Variants in APC observed in about 807,000 individuals in gnomAD.
APC encodes adenomatous polyposis coli protein.
APC carries 72 observed loss-of-function variants against 247.0 expected under a neutral mutation model. The observed-to-expected ratio is 0.29, with a 90% CI of 0.24 to 0.35. The LOEUF (loss-of-function observed/expected upper bound fraction) is 0.35, where lower values mean the gene tolerates loss of function less well. Ranked by LOEUF, APC falls within the 10% of genes least tolerant of loss-of-function variation. The probability of loss-of-function intolerance (pLI) is 1.00; values close to 1 mark genes in which losing one functional copy is unlikely to be tolerated. For synonymous variants in APC, 1,254 were observed against 1,162.5 expected (o/e 1.08, Z -1.60); for missense variants, 3,400 against 3,360.7 (o/e 1.01, Z -0.29).
At position 112,828,892 on chromosome 5, in the gene APC, G is replaced by A. The variant is rs2149817257; in HGVS notation, c.1663G>A (p.Ala555Thr). 1 of 1,613,826 alleles carries A rather than the reference G, an allele frequency of 6.2e-7. No individual in the cohort carries two copies. The highest frequency in any genetic ancestry group is 8.5e-7 in the Non-Finnish European group (1 of 1,179,804). ...TGTTTTGAGGAATTTGTCTTGGCGA[G>A]CAGATGTAAATAGTAAAAAGACGTT... ...ASVLRNLSWRADVNSKKTLRE... is the reference protein window; with the variant it reads ...ASVLRNLSWRTDVNSKKTLRE... Residue 555 changes from alanine to threonine, a missense_variant, in exon 14 of 16, where the codon GCA becomes ACA. By Grantham distance (58) the Ala-to-Thr change is moderately conservative. Transcript: ENST00000257430.
chr5:112,791,060 C>G (rs1759529131), intron 6 of APC, among the ~76,000 whole-genome samples: 1 of 152,080 alleles, frequency 6.6e-6, no homozygotes, highest in African/African-American at 2.4e-5. Context: ...CATAAACTAG[C>G]TTTATGAGAC....
intron 2 of APC, among the ~76,000 whole-genome samples, chr5:112,760,158 A>G (rs1467936178): frequency 6.6e-6 from 1 of 152,100 alleles, no homozygotes; most frequent in Non-Finnish European, 1.5e-5. Flanking sequence ...AAGCAGGAGG[A>G]CTTCACTGGG....
Position 112,838,254 on chromosome 5 carries a change from T to A in APC, c.2660T>A (p.Ile887Asn), listed in dbSNP as rs2149874752. ...GLQISTTAAQ[I>N]AKVMEEVSAI... ...CAGATCTCCACCACTGCAGCCCAGA[T>A]TGCCAAAGTCATGGAAGAAGTGTCA... is the stretch of plus-strand genomic sequence containing the variant. Residue 887 changes from isoleucine to asparagine, a missense_variant, in exon 16 of 16, where the codon ATT (isoleucine) becomes AAT (asparagine). By Grantham distance (149) the Ile-to-Asn change is moderately radical (BLOSUM62 -3). This residue lies in a region of APC where 715 missense variants were observed against 656.6 expected (regional missense o/e 1.09). Transcript: ENST00000257430. 6.2e-7 allele frequency: 1 copy of A among 1,614,198 alleles called. No homozygotes were observed. Among genetic ancestry groups the A allele is most frequent in the Non-Finnish European group, 8.5e-7 (1 of 1,180,026 alleles).
intron 6 of APC, among the ~76,000 whole-genome samples, chr5:112,787,629 C>G (rs1759113692): frequency 6.6e-6 from 1 of 152,202 alleles, no homozygotes; most frequent in South Asian, 2.1e-4. Context: ...TTGCTCATTC[C>G]CTACTGTTAA....
chr5:112,707,876 C>T lies in APC; in HGVS notation c.159C>T (p.Val53=), dbSNP rs1277365767. Reference sequence around the variant, plus strand: ...GTACTTCTGGCCACTGGGCGAGCGTCTGGCAGGTGAGTGAGGCTGCAGGCA... The same window carrying T: ...GTACTTCTGGCCACTGGGCGAGCGTTTGGCAGGTGAGTGAGGCTGCAGGCA... Residue 53 remains valine, a synonymous_variant, in exon 1 of 14, where the codon GTC becomes GTT. Transcript: ENST00000507379. The T allele has an allele frequency of 7.3e-7, 1 of 1,368,962 alleles. No individual in the cohort carries two copies. Among genetic ancestry groups the T allele is most frequent in the African/African-American group, 1.4e-5 (1 of 69,648 alleles). The allele number at this position is 1,368,962 out of a possible 1,614,324, so 84.8% of individuals were successfully genotyped here. A position where few individuals can be genotyped will look rare whatever the true frequency, so the allele number is the denominator to read the frequency against.
At chr5:112,767,831 A>C (rs548843261) in intron 4 of APC, among the ~76,000 whole-genome samples, 1 of 150,490 alleles carries the variant, frequency 6.6e-6, no homozygotes. Flanking sequence ...GGGTTTCTTC[A>C]TGTTGGCCAA....
intron 1 of APC, among the ~76,000 whole-genome samples, chr5:112,722,567 C>G (rs546028212): frequency 1.4e-4 from 21 of 152,190 alleles, no homozygotes; most frequent in African/African-American, 5.1e-4. Flanking sequence ...CCTCCTTCCC[C>G]CCAGTCCCAA....
intron 7 of APC, 27 bp from the exon 8 acceptor site, chr5:112,801,252 G>A (rs2149711127): frequency 6.3e-7 from 1 of 1,591,058 alleles, no homozygotes; most frequent in Non-Finnish European, 8.6e-7. Context: ...ATTTTTGCAT[G>A]TACTGATGTT....
intron 7 of APC, among the ~76,000 whole-genome samples, chr5:112,794,755 C>T (rs547201108): frequency 1.3e-4 from 20 of 152,330 alleles, no homozygotes; most frequent in Admixed American, 5.9e-4. Flanking sequence ...TATCTCCAAG[C>T]CACTCACATT....
At chr5:112,767,423 G>A (rs755789475) in intron 4 of APC, 33 bp downstream of exon 4, 8 of 1,464,346 alleles carry the variant, frequency 5.5e-6, no homozygotes, top group African/African-American at 2.8e-5. Flanking sequence ...ACATTGCCTT[G>A]TGTACTCCAG....
At chr5:112,810,543 T>G (rs924250621) in intron 8 of APC, among the ~76,000 whole-genome samples, 1 of 152,188 alleles carries the variant, frequency 6.6e-6, no homozygotes, top group African/African-American at 2.4e-5. Flanking sequence ...CATAAATGTA[T>G]ATCGACAGCA....
intron 10 of APC, among the ~76,000 whole-genome samples, chr5:112,821,024 T>C (rs1763073059): frequency 6.7e-6 from 1 of 149,368 alleles, no homozygotes; most frequent in South Asian, 2.1e-4. Flanking sequence ...CCACCACAAC[T>C]GACTAATTTT....
chr5:112,784,168 A>G (rs1238688506), intron 6 of APC, among the ~76,000 whole-genome samples: 1 of 152,176 alleles, frequency 6.6e-6, no homozygotes, highest in Non-Finnish European at 1.5e-5. Context: ...CCTGGCTTCA[A>G]GCGATTCTCA....
At position 112,803,785 on chromosome 5, in the gene APC, T is replaced by C. The variant is rs1300853143; in HGVS notation, c.834+2402T>C. ...CCATGCAAATATTAAAAATGATAAA[T>C]TACATCTCTATTTATGTAAAGATCT... On this transcript the variant is annotated intron_variant, in intron 8 of 15. Transcript: ENST00000257430. Among the ~76,000 whole-genome samples the C allele has an allele frequency of 2.0e-5, 3 of 152,212 alleles. No homozygotes were observed. In the South Asian group the frequency reaches 6.2e-4, roughly 32 times the overall value.
At chr5:112,753,830 T>A (rs2149732886) in intron 1 of APC, among the ~76,000 whole-genome samples, 1 of 152,348 alleles carries the variant, frequency 6.6e-6, no homozygotes, top group East Asian at 1.9e-4. Flanking sequence ...AATGTCAAGA[T>A]GTTTAAGTAT....
chr5:112,737,049 C>T (rs1752435039), upstream of APC, among the ~76,000 whole-genome samples: 1 of 152,144 alleles, frequency 6.6e-6, no homozygotes, highest in Non-Finnish European at 1.5e-5. Context: ...TGTCCTTCAA[C>T]CTCATAAAAT....
At position 112,842,494 on chromosome 5, in the gene APC, T is replaced by C. The variant is rs202012533; in HGVS notation, c.6900T>C (p.Ser2300=). The C allele has an allele frequency of 7.4e-6, 12 of 1,614,062 alleles. No homozygotes were observed. In the East Asian group the frequency reaches 2.7e-4, roughly 36 times the overall value. Reference sequence around the variant, plus strand: ...TAGGTGGGTCAAGTAAAGCACCTTCTAGATCAGGATCTAGAGATTCGACCC... The same window carrying C: ...TAGGTGGGTCAAGTAAAGCACCTTCCAGATCAGGATCTAGAGATTCGACCC... ...SQIGGSSKAP[S]RSGSRDSTPS... Residue 2300 remains serine, a synonymous_variant, in exon 16 of 16, where the codon TCT becomes TCC. Coordinates refer to ENST00000257430, the MANE Select transcript of APC (RefSeq NM_000038.6).
At chr5:112,708,202 C>A (rs1183113775) in intron 1 of APC, among the ~76,000 whole-genome samples, 1 of 152,184 alleles carries the variant, frequency 6.6e-6, no homozygotes, top group Non-Finnish European at 1.5e-5. Context: ...CCATTTTAGT[C>A]GCTTCCCCAT....
intron 8 of APC, among the ~76,000 whole-genome samples, chr5:112,803,359 A>G (rs1761035451): frequency 6.6e-6 from 1 of 152,208 alleles, no homozygotes; most frequent in East Asian, 1.9e-4. Flanking sequence ...GCAAAAAGTT[A>G]GAAATAACCT....
Sources: gnomAD v4.1 joint callset for allele counts (sites outside exome capture counted in the v4.1 genomes callset) on GRCh38, gnomAD v4.1.1 for gene constraint, gnomAD v4.1.1 regional missense constraint, MANE v1.5 for transcripts, NCBI Gene and HGNC (gene_info 2026-07-23, HGNC 2026-07-21) for gene names.